The following ZNF384 variants were observed in gnomAD, a reference collection of about 807,000 sequenced individuals.
ZNF384 encodes zinc finger protein 384.
In ZNF384, 20 loss-of-function variants were observed where a neutral mutation model predicts 65.0. That is an observed-to-expected ratio of 0.31 (90% CI 0.22 to 0.45). The LOEUF (loss-of-function observed/expected upper bound fraction) is 0.45, where lower values mean the gene tolerates loss of function less well. Ranked by LOEUF, ZNF384 falls within the 20% of genes least tolerant of loss-of-function variation. The pLI, the probability that ZNF384 is intolerant of heterozygous loss-of-function variation, is 1.00. For missense variants in ZNF384, 549 were observed against 769.4 expected, an observed-to-expected ratio of 0.71 and a Z score of 3.39; for synonymous variants, 310 against 303.9, an observed-to-expected ratio of 1.02 and a Z score of -0.21.
chr12:6,667,465 T>C lies in ZNF384; in HGVS notation c.*249A>G, dbSNP rs1311438799. 4 of 603,396 alleles carry C rather than the reference T, an allele frequency of 6.6e-6. No homozygotes were observed. The highest frequency in any genetic ancestry group is 1.2e-5 in the Non-Finnish European group (4 of 339,020). 37.4% of individuals were successfully genotyped at this position (603,396 alleles called of 1,614,324 possible). On this transcript the variant is annotated 3_prime_UTR_variant, in exon 12 of 12. Coordinates refer to ENST00000683879, the MANE Select transcript of ZNF384 (RefSeq NM_001385745.1). Reference sequence around the variant, plus strand: ...CACCGACCCCCAGTTTTAGAAGCTTTGCTTGGGAGGGGAGGCTGCTGGATG... The same window carrying C: ...CACCGACCCCCAGTTTTAGAAGCTTCGCTTGGGAGGGGAGGCTGCTGGATG...
At chr12:6,681,971 C>T (rs187230613) in intron 2 of ZNF384, among the ~76,000 whole-genome samples, 1 of 152,132 alleles carries the variant, frequency 6.6e-6, no homozygotes, top group Non-Finnish European at 1.5e-5. Flanking sequence ...CAGGTACTAA[C>T]TTGGTCCTTC....
intron 2 of ZNF384, among the ~76,000 whole-genome samples, chr12:6,685,149 C>T (rs556259110): frequency 1.3e-5 from 2 of 151,990 alleles, no homozygotes; most frequent in African/African-American, 4.8e-5. Flanking sequence ...ATAGGGAGAC[C>T]CTGTATCTAC....
intron 2 of ZNF384, 144 bp downstream of exon 2, chr12:6,688,023 G>A (rs996354504): frequency 6.6e-6 from 1 of 152,386 alleles, no homozygotes; most frequent in Admixed American, 6.6e-5. Flanking sequence ...GAAAAAAACT[G>A]ATTTCTCTCC....
rs1959144300 is a variant in ZNF384, at chr12:6,689,342, CCTT to C, written c.-313_-311del. On this transcript the variant is annotated 5_prime_UTR_variant, in exon 1 of 12. Coordinates refer to ENST00000683879, the MANE Select transcript of ZNF384 (RefSeq NM_001385745.1). ...CGCGAGGTAGTGGGTGGCCCCCCCT[CCTT>C]GCTGCCCTCCCCTTGCACTCACCCG... is the stretch of plus-strand genomic sequence containing the variant. 1.3e-5 allele frequency: 2 copies of C among 152,682 alleles called. No homozygotes were observed. The allele number at this position is 152,682 out of a possible 1,614,324, so 9.5% of individuals were successfully genotyped here.
At chr12:6,675,638 T>C (rs1953209683) in intron 7 of ZNF384, among the ~76,000 whole-genome samples, 2 of 152,142 alleles carry the variant, frequency 1.3e-5, no homozygotes, top group Admixed American at 6.6e-5. Flanking sequence ...ATCCATATCA[T>C]GGGGTGCCTT....
Position 6,672,496 on chromosome 12 carries a change from G to A in ZNF384, c.1041C>T (p.Pro347=). 6.2e-7 allele frequency: 1 copy of A among 1,614,150 alleles called. No individual in the cohort carries two copies. The highest frequency in any genetic ancestry group is 8.5e-7 in the Non-Finnish European group (1 of 1,180,014). ...HSKMHTETIK[P]HKCPHCSKTF... ...TCTTGGAGCAGTGCGGGCACTTGTG[G>A]GGCTTGATGGTCTCCGTGTGCATCT... Residue 347 remains proline (P), a synonymous_variant, in exon 9 of 12, where the codon CCC becomes CCT. Coordinates refer to ENST00000683879, the MANE Select transcript of ZNF384 (RefSeq NM_001385745.1). This position sits in a 1 kb window ranked among gnomAD's most constrained non-coding sequence, Gnocchi z 4.4.
chr12:6,675,817 A>G (rs1048787120), intron 7 of ZNF384, among the ~76,000 whole-genome samples: 6 of 152,210 alleles, frequency 3.9e-5, no homozygotes, highest in African/African-American at 1.2e-4. Flanking sequence ...GCCTCAAAAC[A>G]TTTCTACAAG....
chr12:6,685,776 C>CAAAAA lies in ZNF384; in HGVS notation c.-6+2386_-6+2390dup, dbSNP rs778337408. Among the ~76,000 whole-genome samples the CAAAAA allele has an allele frequency of 1.5e-3, 65 of 43,132 alleles. 2 individuals are homozygous for CAAAAA. Among genetic ancestry groups the CAAAAA allele is most frequent in the African/African-American group, 3.5e-3 (43 of 12,150 alleles). The allele number at this position is 43,132 out of a possible 152,430, so 28.3% of individuals were successfully genotyped here. On this transcript the variant is annotated intron_variant, in intron 2 of 11. Coordinates refer to ENST00000683879, the MANE Select transcript of ZNF384 (RefSeq NM_001385745.1). ...TGGGCGACAGAGCGAGACTCAGTCT[C>CAAAAA]AAAAAAAAAAAAAAAAAAAAAAAAA...
chr12:6,679,608 C>G (rs1454065848), intron 2 of ZNF384, 83 bp from the exon 3 acceptor site: 1 of 1,093,172 alleles, frequency 9.1e-7, no homozygotes, highest in Non-Finnish European at 1.4e-6. Context: ...CTGAAGAGTT[C>G]CTGGTCTCCT....
At position 6,678,226 on chromosome 12, in the gene ZNF384, T is replaced by C. The variant is rs910971084; in HGVS notation, c.587A>G (p.Lys196Arg). The change falls in exon 6 of 12, where the codon AAG (lysine) becomes AGG (arginine). Residue 196 changes from lysine (K) to arginine (R), a missense_variant. Lys to Arg is a conservative substitution (Grantham distance 26, BLOSUM62 2). Coordinates refer to ENST00000683879, the MANE Select transcript of ZNF384 (RefSeq NM_001385745.1). This position sits in a 1 kb window ranked among gnomAD's most constrained non-coding sequence, Gnocchi z 4.9. ...CAGCCCTGATTCCAGCATCCGCTTC[T>C]TCTTCCGGCCCCGGGGTGGCTTAGG... ...VAPKPPRGRK[K>R]KRMLESGLPE... 1 of 1,614,092 alleles carries C rather than the reference T, an allele frequency of 6.2e-7. No individual in the cohort carries two copies. The highest frequency in any genetic ancestry group is 1.3e-5 in the African/African-American group (1 of 74,934).
At chr12:6,684,220 T>C (rs969986569) in intron 2 of ZNF384, among the ~76,000 whole-genome samples, 3 of 152,134 alleles carry the variant, frequency 2.0e-5, no homozygotes, top group Non-Finnish European at 4.4e-5. Context: ...AAAGCAGGAA[T>C]GTGAATCCAG....
At position 6,667,898 on chromosome 12, in the gene ZNF384, GGCTGTT is replaced by G. The variant is rs1592352397; in HGVS notation, c.1637_1642del (p.Gln546_Gln547del). 6.2e-7 allele frequency: 1 copy of G among 1,600,796 alleles called. No homozygotes were observed. The highest frequency in any genetic ancestry group is 8.5e-7 in the Non-Finnish European group (1 of 1,176,434). On this transcript the variant is annotated inframe_deletion, in exon 12 of 12. Coordinates refer to ENST00000683879, the MANE Select transcript of ZNF384 (RefSeq NM_001385745.1). Reference sequence around the variant, plus strand: ...CCCAGGAGACTGGAAGTGTGGTGGTGGCTGTTGCTGCTGCTGCTGCTGCTGCTGCTG... The same window carrying G: ...CCCAGGAGACTGGAAGTGTGGTGGTGGCTGCTGCTGCTGCTGCTGCTGCTG...
rs1729736148 is a variant in ZNF384, at chr12:6,673,527, C to CT, written c.780-88dup. 4 of 1,166,052 alleles carry CT rather than the reference C, an allele frequency of 3.4e-6. No individual in the cohort carries two copies. The highest frequency in any genetic ancestry group is 1.5e-5 in the African/African-American group (1 of 65,160). The allele number at this position is 1,166,052 out of a possible 1,614,324, so 72.2% of individuals were successfully genotyped here. On this transcript the variant is annotated intron_variant, in intron 7 of 11. Transcript: ENST00000683879. The surrounding 1 kb of genome is among the most constrained non-coding windows in gnomAD (Gnocchi z 4.7). ...CCCTCTACTTCCAAGAGAAGCCCACCTATCTGAGGTCTCTCCTACTCCAAC... is the reference window on the plus strand; with the variant it reads ...CCCTCTACTTCCAAGAGAAGCCCACCTTATCTGAGGTCTCTCCTACTCCAAC...
Position 6,672,369 on chromosome 12 carries a change from G to A in ZNF384, c.1168C>T (p.His390Tyr). 1 of 1,613,994 alleles carries A rather than the reference G, an allele frequency of 6.2e-7. No homozygotes were observed. Among genetic ancestry groups the A allele is most frequent in the Non-Finnish European group, 8.5e-7 (1 of 1,179,878 alleles). The change falls in exon 9 of 12, where the codon CAC becomes TAC. Residue 390 changes from histidine to tyrosine, a missense_variant. Coordinates refer to ENST00000683879, the MANE Select transcript of ZNF384 (RefSeq NM_001385745.1). The surrounding 1 kb of genome is among the most constrained non-coding windows in gnomAD (Gnocchi z 4.4). ...CCTTACCGTGTGTGCTGCTGGAGGT[G>A]GGAGAGCTGGCGGAAGGCCTTCTGG... ...YCQKAFRQLS[H>Y]LQQHTRIHTG... is the part of the protein sequence containing the mutation.
At chr12:6,686,804 C>T (rs1177394493) in intron 2 of ZNF384, among the ~76,000 whole-genome samples, 1 of 152,074 alleles carries the variant, frequency 6.6e-6, no homozygotes, top group Non-Finnish European at 1.5e-5. Flanking sequence ...GGACTATTAG[C>T]GACAATTAGT....
Position 6,672,216 on chromosome 12 carries a change from A to C in ZNF384, c.1187+134T>G. The C allele has an allele frequency of 1.0e-6, 1 of 953,006 alleles. No homozygotes were observed. Among genetic ancestry groups the C allele is most frequent in the Non-Finnish European group, 1.5e-6 (1 of 655,218 alleles). 59.0% of individuals were successfully genotyped at this position (953,006 alleles called of 1,614,324 possible). The stretch of plus-strand genomic sequence containing the variant: ...AGTGTTGTTTGGTCTTCCTTCTCCC[A>C]GATGCCAGCCAGGTCTCTCCTCCAG... On this transcript the variant is annotated intron_variant, in intron 9 of 11. Transcript: ENST00000683879. The surrounding 1 kb of genome is among the most constrained non-coding windows in gnomAD (Gnocchi z 4.4).
In ZNF384 at chr12:6,666,924, C is replaced by T. The variant is rs8096; in HGVS notation, c.*790G>A. ...GAACTCTCCCTTCTCCGCAACACCC[C>T]TGTTTTGGAGTTTCACAGATAACAC... On this transcript the variant is annotated 3_prime_UTR_variant, in exon 12 of 12. Coordinates refer to ENST00000683879, the MANE Select transcript of ZNF384 (RefSeq NM_001385745.1). The T allele has an allele frequency of 5.0e-6, 1 of 200,666 alleles. No homozygotes were observed. The highest frequency in any genetic ancestry group is 2.3e-5 in the African/African-American group (1 of 43,056). 12.4% of individuals were successfully genotyped at this position (200,666 alleles called of 1,614,324 possible).
chr12:6,672,464 G>A lies in ZNF384; in HGVS notation c.1073C>T (p.Ala358Val). 6.2e-7 allele frequency: 1 copy of A among 1,614,178 alleles called. No homozygotes were observed. Among genetic ancestry groups the A allele is most frequent in the Non-Finnish European group, 8.5e-7 (1 of 1,180,024 alleles). ...GTGCTGGGCCAGGTAGGAGGTGTTGGCGAAGGTCTTGGAGCAGTGCGGGCA... is the reference window on the plus strand; with the variant it reads ...GTGCTGGGCCAGGTAGGAGGTGTTGACGAAGGTCTTGGAGCAGTGCGGGCA... Reference protein sequence around the residue: ...HKCPHCSKTFANTSYLAQHLR... With the variant: ...HKCPHCSKTFVNTSYLAQHLR... Residue 358 changes from alanine to valine, a missense_variant, in exon 9 of 12, where the codon GCC (alanine) becomes GTC (valine). Physicochemically the swap from Ala to Val is moderately conservative, Grantham distance 64. This residue lies in a region of ZNF384 where 59 missense variants were observed against 63.6 expected (regional missense o/e 0.93). Coordinates refer to ENST00000683879, the MANE Select transcript of ZNF384 (RefSeq NM_001385745.1). This position sits in a 1 kb window ranked among gnomAD's most constrained non-coding sequence, Gnocchi z 4.4.
In ZNF384 at chr12:6,669,103, C is replaced by T. The variant is rs1950551962; in HGVS notation, c.1353G>A (p.Val451=). 2 of 1,614,094 alleles carry T rather than the reference C, an allele frequency of 1.2e-6. No homozygotes were observed. Among genetic ancestry groups the T allele is most frequent in the Non-Finnish European group, 1.7e-6 (2 of 1,179,962 alleles). ...GCTTCACTGTGTGCGTAGACAGGTG[C>T]ACCTCTAGTGAGGCTGCATCCGTGT... ...RAYTDAASLE[V]HLSTHTVKHA... is the part of the protein sequence containing the mutation. Residue 451 remains valine (V), a synonymous_variant, in exon 11 of 12, where the codon GTG becomes GTA. Coordinates refer to ENST00000683879, the MANE Select transcript of ZNF384 (RefSeq NM_001385745.1).
Sources: gnomAD v4.1 joint callset for allele counts (sites outside exome capture counted in the v4.1 genomes callset) on GRCh38, gnomAD v4.1.1 for gene constraint, gnomAD v4.1.1 regional missense constraint, Gnocchi (gnomAD v3.1) non-coding constraint, MANE v1.5 for transcripts, NCBI Gene and HGNC (gene_info 2026-07-23, HGNC 2026-07-21) for gene names.